Variants in LRRK1 observed in about 807,000 individuals in gnomAD.
The protein encoded by LRRK1 is leucine rich repeat kinase 1.
Under a neutral mutation model 209.1 loss-of-function variants are expected in LRRK1, and 113 were observed. The observed-to-expected ratio is 0.54, with a 90% CI of 0.46 to 0.63. LRRK1 has a LOEUF of 0.63. Among genes scored for constraint, LRRK1 ranks in the 30% least tolerant of loss-of-function variants. The pLI, the probability that LRRK1 is intolerant of heterozygous loss-of-function variation, is 0.00. For missense variants in LRRK1, 2,284 were observed against 2,632.2 expected (o/e 0.87, Z 2.89); for synonymous variants, 1,144 against 1,099.7 (o/e 1.04, Z -0.80).
At chr15:101,041,958 A>G (rs2034779650) in intron 20 of LRRK1, among the ~76,000 whole-genome samples, 1 of 152,216 alleles carries the variant, frequency 6.6e-6, no homozygotes, top group African/African-American at 2.4e-5. Flanking sequence ...ATATCTTGAT[A>G]TTTTTGGACC....
Position 101,076,181 on chromosome 15 carries a change from C to T in LRRK1, c.*7333C>T, listed in dbSNP as rs959441060. ...TACTGTTTTAGCCTAGCCCTCATGT[C>T]TCTGTGCAGCGGCTGCTGCCACCCT... On this transcript the variant is annotated 3_prime_UTR_variant, in exon 34 of 34. Transcript: ENST00000388948. 3.9e-5 allele frequency: 6 copies of T among 152,170 alleles called. No individual in the cohort carries two copies. Among genetic ancestry groups the T allele is most frequent in the African/African-American group, 1.4e-4 (6 of 41,444 alleles). The allele number at this position is 152,170 out of a possible 1,614,324, so 9.4% of individuals were successfully genotyped here. A position where few individuals can be genotyped will look rare whatever the true frequency, so the allele number is the denominator to read the frequency against.
Position 100,994,673 on chromosome 15 carries a change from A to G in LRRK1, c.762+5275A>G, listed in dbSNP as rs1166321924. ...GCGTGGAATCAGAAGAGGAAATGAA[A>G]TTTCAGCGCAACCTGAGTCTCAAGG... On this transcript the variant is annotated intron_variant, in intron 6 of 33. Coordinates refer to ENST00000388948, the MANE Select transcript of LRRK1 (RefSeq NM_024652.6). Among the ~76,000 whole-genome samples the G allele has an allele frequency of 2.0e-5, 3 of 152,168 alleles. No individual in the cohort carries two copies. In the South Asian group the frequency reaches 6.2e-4, roughly 32 times the overall value.
At chr15:100,950,966 G>A (rs8037720) in intron 2 of LRRK1, among the ~76,000 whole-genome samples, 3,924 of 152,276 alleles carry the variant, frequency 0.026, 170 homozygotes, top group African/African-American at 0.089. Context: ...AGCCGGGCGT[G>A]GTGGCGGGCG....
At chr15:100,955,020 T>A (rs2042725814) in intron 2 of LRRK1, among the ~76,000 whole-genome samples, 1 of 1,868 alleles carries the variant, frequency 5.4e-4, no homozygotes, top group African/African-American at 8.2e-4. Context: ...ATTTTAGGAT[T>A]TTTTTTTCTA....
intron 31 of LRRK1, 40 bp downstream of exon 31, chr15:101,062,730 C>A: frequency 7.0e-7 from 1 of 1,422,192 alleles, no homozygotes; most frequent in Non-Finnish European, 9.9e-7. Context: ...GTCTCTGATG[C>A]ACTTCCACGC....
intron 2 of LRRK1, among the ~76,000 whole-genome samples, chr15:100,964,890 G>T (rs547195815): frequency 9.2e-5 from 14 of 151,930 alleles, no homozygotes; most frequent in Non-Finnish European, 2.1e-4. Flanking sequence ...TATTTTCCTA[G>T]ATTTGTAGGG....
At chr15:100,970,219 C>T (rs1003334648) in intron 2 of LRRK1, among the ~76,000 whole-genome samples, 1 of 152,112 alleles carries the variant, frequency 6.6e-6, no homozygotes. Flanking sequence ...TTTCTTTATC[C>T]GGTCCATCAC....
rs2036741426 is a variant in LRRK1 at position 101,070,188 on chromosome 15, G to A, written c.*1340G>A. 6.6e-6 allele frequency: 1 copy of A among 152,168 alleles called. No homozygotes were observed. Among genetic ancestry groups the A allele is most frequent in the South Asian group, 2.1e-4 (1 of 4,814 alleles). 9.4% of individuals were successfully genotyped at this position (152,168 alleles called of 1,614,324 possible). On this transcript the variant is annotated 3_prime_UTR_variant, in exon 34 of 34. Transcript: ENST00000388948. ...CCTCCCAGACCCACTCGCTGTCTGG[G>A]GATAATGGGCAGCCCCTCCTTGCCC...
chr15:100,976,916 T>C (rs1182123291), intron 3 of LRRK1, among the ~76,000 whole-genome samples: 1 of 152,158 alleles, frequency 6.6e-6, no homozygotes, highest in African/African-American at 2.4e-5. Flanking sequence ...CTTAATGTAA[T>C]AAGTGCAGAA....
intron 27 of LRRK1, among the ~76,000 whole-genome samples, chr15:101,056,622 G>A (rs2035816688): frequency 6.6e-6 from 1 of 152,142 alleles, no homozygotes; most frequent in South Asian, 2.1e-4. Flanking sequence ...TGGATGGATG[G>A]GTGGATGGAT....
intron 33 of LRRK1, chr15:101,067,423 G>A (rs1301875248): frequency 3.5e-4 from 11 of 31,386 alleles, no homozygotes; most frequent in Non-Finnish European, 7.9e-4. Flanking sequence ...CAGTTCAAAT[G>A]TGTGTGTGTG....
chr15:101,045,180 A>G (rs746917189), intron 20 of LRRK1, among the ~76,000 whole-genome samples: 7 of 152,244 alleles, frequency 4.6e-5, no homozygotes, highest in Non-Finnish European at 8.8e-5. Context: ...AGTCTTTTCC[A>G]GAAAGTTCTA....
intron 6 of LRRK1, among the ~76,000 whole-genome samples, chr15:100,992,559 G>A (rs978379559): frequency 6.6e-6 from 1 of 152,162 alleles, no homozygotes; most frequent in African/African-American, 2.4e-5. Flanking sequence ...CAAGGAACTT[G>A]ATAGATTTTT....
rs2042071798 is a variant in LRRK1 at position 100,924,377 on chromosome 15, T to C, written c.-122-134T>C. The C allele has an allele frequency of 1.5e-5, 7 of 478,800 alleles. No individual in the cohort carries two copies. The South Asian group carries it at 1.7e-4, about 12-fold the overall frequency. The allele number at this position is 478,800 out of a possible 1,614,324, so 29.7% of individuals were successfully genotyped here. ...GTGCCTTCCCACTGACCACACCTGATGGGTTTGGCTGGATAGATGGACTAC... is the reference window on the plus strand; with the variant it reads ...GTGCCTTCCCACTGACCACACCTGACGGGTTTGGCTGGATAGATGGACTAC... On this transcript the variant is annotated intron_variant, in intron 1 of 33. Transcript: ENST00000388948.
intron 27 of LRRK1, among the ~76,000 whole-genome samples, chr15:101,055,981 C>T (rs756123373): frequency 2.0e-5 from 3 of 152,140 alleles, no homozygotes; most frequent in African/African-American, 4.8e-5. Context: ...TAGCTCAGCA[C>T]CTGTGGTTGT....
chr15:100,979,770 T>G (rs963741620), intron 3 of LRRK1, among the ~76,000 whole-genome samples: 13 of 152,174 alleles, frequency 8.5e-5, no homozygotes, highest in African/African-American at 2.9e-4. Flanking sequence ...GTATGAGATA[T>G]GTGAAGAGAC....
intron 6 of LRRK1, among the ~76,000 whole-genome samples, chr15:100,997,372 G>A (rs915534342): frequency 2.6e-5 from 4 of 152,142 alleles, no homozygotes; most frequent in South Asian, 2.1e-4. Context: ...AAAGTTTATC[G>A]ATCTCCTGCC....
rs530759762 is a variant in LRRK1, at chr15:100,971,638, A to G, written c.98-2166A>G. ...GTATATAGTATGTGGTGATCCAGTC[A>G]GGGCATTTAGGGTGTCCATCACCTG... On this transcript the variant is annotated intron_variant, in intron 2 of 33. Coordinates refer to ENST00000388948, the MANE Select transcript of LRRK1 (RefSeq NM_024652.6). Among the ~76,000 whole-genome samples the G allele has an allele frequency of 1.4e-3, 217 of 152,350 alleles. 2 individuals are homozygous for G. Among genetic ancestry groups the G allele is most frequent in the African/African-American group, 4.8e-3 (200 of 41,568 alleles).
At chr15:101,005,103 GGA>G (rs2032880453) in intron 6 of LRRK1, among the ~76,000 whole-genome samples, 1 of 152,182 alleles carries the variant, frequency 6.6e-6, no homozygotes. Flanking sequence ...ATTGCAATCT[GGA>G]CACCTTGATT....
Sources: gnomAD v4.1 joint callset for allele counts (sites outside exome capture counted in the v4.1 genomes callset) on GRCh38, gnomAD v4.1.1 for gene constraint, MANE v1.5 for transcripts, NCBI Gene and HGNC (gene_info 2026-07-23, HGNC 2026-07-21) for gene names.